Variants in PPARGC1A observed in about 807,000 individuals in gnomAD.
PPARGC1A encodes peroxisome proliferator-activated receptor gamma coactivator 1-alpha.
PPARGC1A carries 25 observed loss-of-function variants against 88.7 expected under a neutral mutation model. The observed-to-expected ratio is 0.28, with a 90% CI of 0.21 to 0.39. The LOEUF (loss-of-function observed/expected upper bound fraction) is 0.39. PPARGC1A is among the 10% of genes least tolerant of loss of function. PPARGC1A has a pLI of 1.00. For synonymous variants in PPARGC1A, 363 were observed against 355.6 expected (o/e 1.02, Z -0.24); for missense variants, 880 against 968.7 (o/e 0.91, Z 1.22).
the PPARGC1A span, among the ~76,000 whole-genome samples, chr4:24,020,799 C>G: frequency 6.6e-6 from 1 of 152,176 alleles, no homozygotes; most frequent in Non-Finnish European, 1.5e-5. Flanking sequence ...ACAGGGGCAT[C>G]TGGACATGCA....
the PPARGC1A span, among the ~76,000 whole-genome samples, chr4:24,327,606 T>C: frequency 6.6e-6 from 1 of 151,936 alleles, no homozygotes; most frequent in Non-Finnish European, 1.5e-5. Context: ...CGACAAATGT[T>C]TCTTCTAACA....
At chr4:24,089,774 T>C in the PPARGC1A span, among the ~76,000 whole-genome samples, 1 of 152,108 alleles carries the variant, frequency 6.6e-6, no homozygotes, top group African/African-American at 2.4e-5. Context: ...CCTCCCAAAG[T>C]GCTGGGATTA....
the PPARGC1A span, among the ~76,000 whole-genome samples, chr4:24,071,849 C>T: frequency 2.0e-5 from 3 of 152,118 alleles, no homozygotes; most frequent in African/African-American, 7.2e-5. Context: ...GTGAATTCAC[C>T]TGGATCATGA....
chr4:23,855,077 T>A (rs986041063), intron 2 of PPARGC1A, among the ~76,000 whole-genome samples: 1 of 152,166 alleles, frequency 6.6e-6, no homozygotes, highest in East Asian at 1.9e-4. Context: ...TCTCATGAGA[T>A]CGATGGTTTT....
chr4:24,421,640 G>T, the PPARGC1A span, among the ~76,000 whole-genome samples: 1 of 152,136 alleles, frequency 6.6e-6, no homozygotes, highest in Admixed American at 6.6e-5. Context: ...AACAACTCTA[G>T]CCCAGAGGAG....
intron 2 of PPARGC1A, among the ~76,000 whole-genome samples, chr4:23,881,547 A>G (rs1715935373): frequency 1.3e-5 from 2 of 152,176 alleles, no homozygotes; most frequent in African/African-American, 4.8e-5. Context: ...TACATAATTT[A>G]CTCTCAACAT....
the PPARGC1A span, among the ~76,000 whole-genome samples, chr4:23,959,333 C>T: frequency 3.3e-5 from 5 of 152,088 alleles, no homozygotes; most frequent in Non-Finnish European, 1.5e-5. Flanking sequence ...AAATTACGTG[C>T]AGGCATCAAA....
the PPARGC1A span, among the ~76,000 whole-genome samples, chr4:24,294,959 C>T: frequency 6.6e-6 from 1 of 152,200 alleles, no homozygotes; most frequent in Non-Finnish European, 1.5e-5. Context: ...CCCTCACCAG[C>T]ATCAGCAAGC....
At chr4:24,425,165 CA>C in the PPARGC1A span, among the ~76,000 whole-genome samples, 1 of 152,132 alleles carries the variant, frequency 6.6e-6, no homozygotes, top group Non-Finnish European at 1.5e-5. Context: ...TGCAACTTCC[CA>C]CCCATCTGAT....
chr4:23,982,908 G>A, the PPARGC1A span, among the ~76,000 whole-genome samples: 2 of 152,082 alleles, frequency 1.3e-5, no homozygotes. Context: ...CAGCCCATGG[G>A]CCGAATTTGG....
chr4:24,239,242 TGAG>T, the PPARGC1A span, among the ~76,000 whole-genome samples: 1 of 152,174 alleles, frequency 6.6e-6, no homozygotes, highest in Non-Finnish European at 1.5e-5. Flanking sequence ...TCTGCTCTCT[TGAG>T]GAGCTGATGG....
chr4:24,200,177 A>C, the PPARGC1A span, among the ~76,000 whole-genome samples: 2 of 152,200 alleles, frequency 1.3e-5, no homozygotes, highest in Non-Finnish European at 2.9e-5. Flanking sequence ...GCATGATACC[A>C]CTATGTCAAT....
At chr4:24,091,374 G>A in the PPARGC1A span, 1 of 908,034 alleles carries the variant, frequency 1.1e-6, no homozygotes, top group African/African-American at 1.8e-5. Flanking sequence ...AGATAGCACA[G>A]TTCCACAAAT....
At chr4:24,023,786 TA>T in the PPARGC1A span, among the ~76,000 whole-genome samples, 1 of 152,038 alleles carries the variant, frequency 6.6e-6, no homozygotes, top group African/African-American at 2.4e-5. Context: ...GAGGCATTAA[TA>T]ACCCCCAAAC....
chr4:24,030,065 T>C, the PPARGC1A span, among the ~76,000 whole-genome samples: 1 of 152,214 alleles, frequency 6.6e-6, no homozygotes, highest in Admixed American at 6.5e-5. Context: ...GACTCTACTG[T>C]AAACTAACAC....
the PPARGC1A span, among the ~76,000 whole-genome samples, chr4:23,953,965 G>C: frequency 6.6e-6 from 1 of 151,912 alleles, no homozygotes; most frequent in African/African-American, 2.4e-5. Context: ...AAAATATTCA[G>C]TTAAATTTCT....
At chr4:24,138,353 A>G in the PPARGC1A span, among the ~76,000 whole-genome samples, 44 of 152,190 alleles carry the variant, frequency 2.9e-4, no homozygotes, top group Admixed American at 2.7e-3. Context: ...GGCAGTTTTA[A>G]GAGCCAGAAC....
the PPARGC1A span, among the ~76,000 whole-genome samples, chr4:23,956,609 G>A: frequency 6.6e-6 from 1 of 151,870 alleles, no homozygotes; most frequent in Non-Finnish European, 1.5e-5. Context: ...CTCCAAACAG[G>A]TCACTCACTA....
chr4:24,358,483 C>G, the PPARGC1A span, among the ~76,000 whole-genome samples: 4 of 152,326 alleles, frequency 2.6e-5, no homozygotes, highest in South Asian at 8.3e-4. Flanking sequence ...TGTTAACTCT[C>G]TTAACCACAG....
Sources: allele counts gnomAD v4.1 joint callset (sites outside exome capture counted in the v4.1 genomes callset), GRCh38; gene constraint gnomAD v4.1.1; transcripts MANE v1.5; gene names NCBI Gene and HGNC (gene_info 2026-07-23, HGNC 2026-07-21).